DGKI: variants seen among roughly 807,000 people sequenced by gnomAD.
The protein encoded by DGKI is DAG kinase iota.
A neutral mutation model predicts 147.5 loss-of-function variants in DGKI; 55 were observed. That is an observed-to-expected ratio of 0.37 (90% confidence interval 0.30 to 0.47). The LOEUF is 0.47. Among genes scored for constraint, DGKI ranks in the 20% least tolerant of loss-of-function variants. DGKI has a pLI of 1.00. For missense variants in DGKI, 1,007 were observed against 1,323.8 expected (o/e 0.76, Z 3.71); for synonymous variants, 469 against 477.1 (o/e 0.98, Z 0.22).
intron 23 of DGKI, among the ~76,000 whole-genome samples, chr7:137,476,114 C>T (rs555689689): frequency 5.3e-5 from 8 of 152,200 alleles, no homozygotes; most frequent in African/African-American, 2.4e-5. Context: ...CATCCAACCC[C>T]GTTACATAGA....
At chr7:137,584,049 C>T (rs556803803) in intron 14 of DGKI, among the ~76,000 whole-genome samples, 71 of 152,126 alleles carry the variant, frequency 4.7e-4, no homozygotes, top group Middle Eastern at 3.4e-3. Context: ...ATCAGGATCA[C>T]GATGCTAATA....
intron 1 of DGKI, among the ~76,000 whole-genome samples, chr7:137,837,235 C>A (rs923579374): frequency 2.0e-5 from 3 of 152,206 alleles, no homozygotes; most frequent in Non-Finnish European, 1.5e-5. Flanking sequence ...ACAGTGTAAG[C>A]ATTTGGCAAA....
intron 1 of DGKI, among the ~76,000 whole-genome samples, chr7:137,808,743 G>A (rs969513680): frequency 1.1e-4 from 17 of 152,138 alleles, no homozygotes; most frequent in Non-Finnish European, 1.0e-4. Flanking sequence ...GGAGAGACCC[G>A]AGCAGAAAAA....
At chr7:137,654,858 A>C (rs1822162473) in intron 4 of DGKI, 70 bp from the exon 5 acceptor site, 1 of 964,774 alleles carries the variant, frequency 1.0e-6, no homozygotes, top group Non-Finnish European at 1.6e-6. Context: ...ACCTGAAAAA[A>C]AAAAAAACAG....
At chr7:137,585,141 G>T (rs1240023290) in intron 14 of DGKI, 68 bp downstream of exon 14, 2 of 1,578,952 alleles carry the variant, frequency 1.3e-6, no homozygotes, top group Non-Finnish European at 1.7e-6. Context: ...CTCCAGCCAG[G>T]ATTTTTTTTC....
chr7:137,693,231 A>G (rs1310996789), intron 1 of DGKI, among the ~76,000 whole-genome samples: 1 of 152,098 alleles, frequency 6.6e-6, no homozygotes, highest in Non-Finnish European at 1.5e-5. Context: ...TTTATGCTGC[A>G]ATTTGCTCCT....
chr7:137,479,903 A>G (rs560826911), intron 23 of DGKI, among the ~76,000 whole-genome samples: 1 of 152,108 alleles, frequency 6.6e-6, no homozygotes, highest in Admixed American at 6.6e-5. Context: ...GTCTAACTAC[A>G]GCCCCAAATA....
At chr7:137,548,209 C>T (rs1817926623) in intron 20 of DGKI, among the ~76,000 whole-genome samples, 1 of 152,136 alleles carries the variant, frequency 6.6e-6, no homozygotes, top group South Asian at 2.1e-4. Context: ...ACTCTGGCTG[C>T]TTTACTGGTA....
chr7:137,823,467 G>A (rs1385571657), intron 1 of DGKI, among the ~76,000 whole-genome samples: 1 of 152,192 alleles, frequency 6.6e-6, no homozygotes, highest in East Asian at 1.9e-4. Flanking sequence ...AGAAGCTCCT[G>A]CGGATGTTTC....
At chr7:137,661,579 C>T (rs1322516081) in intron 3 of DGKI, among the ~76,000 whole-genome samples, 2 of 152,156 alleles carry the variant, frequency 1.3e-5, no homozygotes, top group African/African-American at 2.4e-5. Context: ...CTTTCTCCCC[C>T]ATGGTTTCTC....
intron 20 of DGKI, among the ~76,000 whole-genome samples, chr7:137,544,015 A>G (rs1817786542): frequency 6.6e-6 from 1 of 152,190 alleles, no homozygotes. Context: ...TTCAATATAT[A>G]TCATATGTAG....
rs536607037 is a variant in DGKI, at chr7:137,400,371, A to C, written c.2921-2958T>G. Among the ~76,000 whole-genome samples the C allele has an allele frequency of 2.0e-5, 3 of 152,334 alleles. No individual in the cohort carries two copies. In the South Asian group the frequency reaches 6.2e-4, roughly 32 times the overall value. On this transcript the variant is annotated intron_variant, in intron 30 of 32. Transcript: ENST00000614521. ...CTAATTGCACAACTATTTAGGCAAC[A>C]GGGGCCTTGTTTACTTTTCTCCTTC...
At chr7:137,494,000 G>A (rs1231899045) in intron 21 of DGKI, among the ~76,000 whole-genome samples, 1 of 152,158 alleles carries the variant, frequency 6.6e-6, no homozygotes, top group Non-Finnish European at 1.5e-5. Flanking sequence ...TGAGATGCTA[G>A]AGCTAAAAAA....
At chr7:137,586,383 G>A (rs960995089) in intron 13 of DGKI, among the ~76,000 whole-genome samples, 17 of 151,532 alleles carry the variant, frequency 1.1e-4, no homozygotes, top group Non-Finnish European at 1.9e-4. Flanking sequence ...AGCTGAGATC[G>A]TACCACTGCA....
At chr7:137,561,188 C>G (rs890191605) in intron 19 of DGKI, among the ~76,000 whole-genome samples, 1 of 146,600 alleles carries the variant, frequency 6.8e-6, no homozygotes, top group African/African-American at 2.5e-5. Context: ...TGTCCAACAA[C>G]AAAAAATAAA....
chr7:137,655,828 TG>T (rs1236487097), intron 4 of DGKI, among the ~76,000 whole-genome samples: 1 of 152,222 alleles, frequency 6.6e-6, no homozygotes, highest in East Asian at 1.9e-4. Flanking sequence ...TAAAATGTAG[TG>T]GGAAGTGTGA....
chr7:137,504,977 A>G (rs1167153043), intron 21 of DGKI, among the ~76,000 whole-genome samples: 3 of 152,056 alleles, frequency 2.0e-5, no homozygotes, highest in East Asian at 1.9e-4. Context: ...CAAAACACGT[A>G]TCTGATAAAA....
rs776201081 is a variant in DGKI at position 137,623,563 on chromosome 7, T to G, written c.805-9A>C. The G allele has an allele frequency of 1.2e-6, 2 of 1,612,646 alleles. No homozygotes were observed. Among genetic ancestry groups the G allele is most frequent in the South Asian group, 2.2e-5 (2 of 91,040 alleles). ...AACTTTTGCTGGAAGCCCTGGGATA[T>G]TAGAACAAGAGACAGATAATTTAAA... On this transcript the variant is annotated splice_polypyrimidine_tract_variant and intron_variant, in intron 6 of 32. Transcript: ENST00000614521.
chr7:137,657,433 C>A (rs1214851103), intron 3 of DGKI, among the ~76,000 whole-genome samples: 2 of 152,168 alleles, frequency 1.3e-5, no homozygotes, highest in Admixed American at 1.3e-4. Flanking sequence ...TAAAGTTTAT[C>A]TTTTTCTCTA....
Sources: gnomAD v4.1 joint callset for allele counts (sites outside exome capture counted in the v4.1 genomes callset) on GRCh38, gnomAD v4.1.1 for gene constraint, MANE v1.5 for transcripts, NCBI Gene and HGNC (gene_info 2026-07-23, HGNC 2026-07-21) for gene names.